The following XXYLT1 variants were observed in gnomAD, a reference collection of about 807,000 sequenced individuals.
XXYLT1 encodes UDP-xylose:alpha-xyloside alpha-1,3-xylosyltransferase.
In XXYLT1, 20 loss-of-function variants were observed where a neutral mutation model predicts 28.9. That is an observed-to-expected ratio of 0.69 (90% confidence interval 0.49 to 1.00). The LOEUF is 1.00. Ranked by LOEUF, XXYLT1 falls within the 50% of genes least tolerant of loss-of-function variation. The probability of loss-of-function intolerance (pLI) is 0.00; values close to 1 mark genes in which losing one functional copy is unlikely to be tolerated. For synonymous variants in XXYLT1, 257 were observed against 253.8 expected (o/e 1.01, Z -0.12); for missense variants, 542 against 560.1 (o/e 0.97, Z 0.33).
chr3:195,214,590 G>T (rs1038994522), intron 2 of XXYLT1, among the ~76,000 whole-genome samples: 5 of 152,130 alleles, frequency 3.3e-5, no homozygotes, highest in Non-Finnish European at 7.4e-5. Flanking sequence ...ACAATCGTAG[G>T]GGGGCAGTGG....
intron 3 of XXYLT1, among the ~76,000 whole-genome samples, chr3:195,072,419 CTG>C (rs1560078957): frequency 6.6e-6 from 1 of 152,152 alleles, no homozygotes; most frequent in African/African-American, 2.4e-5. Flanking sequence ...CCCAAATCTT[CTG>C]TGTCTGCAGC....
Position 195,129,699 on chromosome 3 carries a change from C to T in XXYLT1, c.785+26750G>A, listed in dbSNP as rs977419032. On this transcript the variant is annotated intron_variant, in intron 3 of 3. Coordinates refer to ENST00000310380, the MANE Select transcript of XXYLT1 (RefSeq NM_152531.5). The surrounding 1 kb of genome is among the most constrained non-coding windows in gnomAD (Gnocchi z 4.4). ...GAATGTTCATTTGCATGTTAGTGTG[C>T]GGGCGTATGTTTTCAGTTCTCTCGG... 7.2e-5 allele frequency among the ~76,000 whole-genome samples: 11 copies of T among 151,860 alleles called. No homozygotes were observed. Among genetic ancestry groups the T allele is most frequent in the African/African-American group, 2.2e-4 (9 of 41,338 alleles).
intron 1 of XXYLT1, among the ~76,000 whole-genome samples, chr3:195,246,882 G>A (rs931839519): frequency 6.6e-6 from 1 of 152,090 alleles, no homozygotes; most frequent in Non-Finnish European, 1.5e-5. Flanking sequence ...CCAGACTCCC[G>A]GCGCCACTCG....
intron 2 of XXYLT1, among the ~76,000 whole-genome samples, chr3:195,204,493 C>T (rs1489316826): frequency 1.3e-5 from 2 of 151,964 alleles, no homozygotes; most frequent in Admixed American, 1.3e-4. Context: ...CTCTCTCTCT[C>T]TCTCTCTCTC....
chr3:195,145,188 A>C (rs1239360310), intron 3 of XXYLT1, among the ~76,000 whole-genome samples: 1 of 152,228 alleles, frequency 6.6e-6, no homozygotes, highest in Non-Finnish European at 1.5e-5. Flanking sequence ...CCATGCAGAG[A>C]CTGGGCTTGA....
chr3:195,268,622 G>A (rs753944388), intron 1 of XXYLT1, among the ~76,000 whole-genome samples: 7 of 151,942 alleles, frequency 4.6e-5, no homozygotes, highest in Non-Finnish European at 8.8e-5. Flanking sequence ...AGAAGTAACG[G>A]GAGCAATTTT....
intron 3 of XXYLT1, among the ~76,000 whole-genome samples, chr3:195,107,556 GAGGGGGA>G (rs1238621360): frequency 0.016 from 93 of 5,710 alleles, 29 homozygotes; most frequent in Non-Finnish European, 0.034. Context: ...GGAGGGGGAA[GAGGGGGA>G]GAGGAGGAGG....
rs147906729 is a variant in XXYLT1, at chr3:195,250,425, G to A, written c.504+20130C>T. Among the ~76,000 whole-genome samples, 269 of 152,220 alleles carry A rather than the reference G, an allele frequency of 1.8e-3. 7 individuals carry two copies. Among genetic ancestry groups the A allele is most frequent in the South Asian group, 1.0e-3 (5 of 4,822 alleles). On this transcript the variant is annotated intron_variant, in intron 1 of 3. Transcript: ENST00000310380. ...TAAAAAATACAAAAATTAGCTGGGCGTGGTGGCACATGCCTATAACTCTAG... is the reference window on the plus strand; with the variant it reads ...TAAAAAATACAAAAATTAGCTGGGCATGGTGGCACATGCCTATAACTCTAG...
At chr3:195,238,338 C>T (rs1170251875) in intron 1 of XXYLT1, among the ~76,000 whole-genome samples, 1 of 152,198 alleles carries the variant, frequency 6.6e-6, no homozygotes, top group East Asian at 1.9e-4. Context: ...AGCCTTCCCA[C>T]AGCCTCCCAC....
intron 3 of XXYLT1, among the ~76,000 whole-genome samples, chr3:195,107,537 G>GAGCCACAAGTGCCA (rs1717182093): frequency 1.1e-4 from 1 of 9,252 alleles, no homozygotes; most frequent in Non-Finnish European, 2.6e-4. Context: ...AGGAGGAGGA[G>GAGCCACAAGTGCCA]GGGGAGGAGG....
At chr3:195,106,488 A>AGACAC (rs1367181304) in intron 3 of XXYLT1, among the ~76,000 whole-genome samples, 10 of 152,014 alleles carry the variant, frequency 6.6e-5, no homozygotes, top group African/African-American at 2.4e-4. Flanking sequence ...GGCGGTGTCT[A>AGACAC]CGCCGGGCTC....
At chr3:195,085,239 A>G (rs914671509) in intron 3 of XXYLT1, among the ~76,000 whole-genome samples, 1 of 152,142 alleles carries the variant, frequency 6.6e-6, no homozygotes, top group Non-Finnish European at 1.5e-5. Flanking sequence ...TTGGAGAGAG[A>G]ATATCTGGAT....
intron 2 of XXYLT1, among the ~76,000 whole-genome samples, chr3:195,197,992 C>T (rs1026275633): frequency 7.2e-5 from 11 of 152,238 alleles, no homozygotes; most frequent in African/African-American, 2.2e-4. Flanking sequence ...CTGGCTCACA[C>T]GCTAATCGGG....
intron 2 of XXYLT1, among the ~76,000 whole-genome samples, chr3:195,208,106 C>T (rs545835585): frequency 7.9e-5 from 12 of 152,346 alleles, no homozygotes; most frequent in Admixed American, 3.3e-4. Flanking sequence ...CCCACCAGGG[C>T]ACGACTCCTA....
In XXYLT1 at chr3:195,197,887, A is replaced by T. The variant is rs141026629; in HGVS notation, c.652+28822T>A. 5.3e-3 allele frequency among the ~76,000 whole-genome samples: 801 copies of T among 152,322 alleles called. 4 individuals are homozygous for T. Among genetic ancestry groups the T allele is most frequent in the Non-Finnish European group, 7.2e-3 (493 of 68,022 alleles). Reference sequence around the variant, plus strand: ...AGCAGCTTATGGAAAAGCGAACCAGAGGCTTCCTTCCCAAGGCTAGGGAAG... The same window carrying T: ...AGCAGCTTATGGAAAAGCGAACCAGTGGCTTCCTTCCCAAGGCTAGGGAAG... On this transcript the variant is annotated intron_variant, in intron 2 of 3. Coordinates refer to ENST00000310380, the MANE Select transcript of XXYLT1 (RefSeq NM_152531.5).
chr3:195,208,784 G>A (rs1723183938), intron 2 of XXYLT1, among the ~76,000 whole-genome samples: 2 of 152,052 alleles, frequency 1.3e-5, no homozygotes, highest in East Asian at 3.9e-4. Flanking sequence ...ACGGGGGAGC[G>A]AGGTGAGGGA....
chr3:195,173,343 C>T lies in XXYLT1; in HGVS notation c.653-16762G>A, dbSNP rs1721503191. Among the ~76,000 whole-genome samples the T allele has an allele frequency of 1.3e-5, 2 of 152,176 alleles. No individual in the cohort carries two copies. The highest frequency in any genetic ancestry group is 1.3e-4 in the Admixed American group (2 of 15,272). ...CTCAGGGAAAGACGCAGCGTCTCCT[C>T]CCCCAGCATCTGCCTGGCCATTATG... On this transcript the variant is annotated intron_variant, in intron 2 of 3. Coordinates refer to ENST00000310380, the MANE Select transcript of XXYLT1 (RefSeq NM_152531.5). This position sits in a 1 kb window ranked among gnomAD's most constrained non-coding sequence, Gnocchi z 4.3.
chr3:195,099,830 C>CAAAAAAAAAAAAA, intron 3 of XXYLT1, among the ~76,000 whole-genome samples: 1 of 97,222 alleles, frequency 1.0e-5, no homozygotes, highest in Non-Finnish European at 2.2e-5. Flanking sequence ...GACTCTGTCT[C>CAAAAAAAAAAAAA]AAAAAAAAAA....
At chr3:195,075,596 G>T (rs1056072313) in intron 3 of XXYLT1, among the ~76,000 whole-genome samples, 2 of 152,246 alleles carry the variant, frequency 1.3e-5, no homozygotes, top group Non-Finnish European at 2.9e-5. Context: ...CGCAGAGGCT[G>T]TGCTTTCCCC....
Sources: allele counts gnomAD v4.1 joint callset (sites outside exome capture counted in the v4.1 genomes callset), GRCh38; gene constraint gnomAD v4.1.1; non-coding constraint Gnocchi (gnomAD v3.1); transcripts MANE v1.5; gene names NCBI Gene and HGNC (gene_info 2026-07-23, HGNC 2026-07-21).